Variants in UNC79 observed in about 807,000 individuals in gnomAD.
UNC79 encodes the protein protein unc-79 homolog.
Under a neutral mutation model 283.1 loss-of-function variants are expected in UNC79, and 37 were observed. That is an observed-to-expected ratio of 0.13 (90% CI 0.10 to 0.17). The LOEUF (loss-of-function observed/expected upper bound fraction) is 0.17. UNC79 is among the 10% of genes least tolerant of loss of function. The pLI, the probability that UNC79 is intolerant of heterozygous loss-of-function variation, is 1.00. For missense variants in UNC79, 2,272 were observed against 3,211.1 expected, an observed-to-expected ratio of 0.71 and a Z score of 7.07; for synonymous variants, 1,107 against 1,200.2, an observed-to-expected ratio of 0.92 and a Z score of 1.61.
intron 14 of UNC79, among the ~76,000 whole-genome samples, chr14:93,566,638 A>AG (rs1474337391): frequency 9.6e-6 from 1 of 104,232 alleles, no homozygotes; most frequent in Non-Finnish European, 2.2e-5. Context: ...CAGTTTCTGG[A>AG]ATTTTTTTTT....
At chr14:93,678,675 G>C (rs2073567557) in intron 41 of UNC79, among the ~76,000 whole-genome samples, 1 of 152,210 alleles carries the variant, frequency 6.6e-6, no homozygotes, top group African/African-American at 2.4e-5. Context: ...TGGCATCATG[G>C]GGAATTCCCC....
intron 26 of UNC79, among the ~76,000 whole-genome samples, chr14:93,608,567 A>G (rs542925737): frequency 3.3e-5 from 5 of 152,358 alleles, no homozygotes; most frequent in African/African-American, 9.6e-5. Context: ...AACTGAGGTA[A>G]GGAAGCAGGG....
At position 93,639,597 on chromosome 14, in the gene UNC79, A is replaced by G. The variant is rs1179956119; in HGVS notation, c.5801-1548A>G. Among the ~76,000 whole-genome samples the G allele has an allele frequency of 3.9e-5, 6 of 152,228 alleles. 1 individual carries two copies. Among genetic ancestry groups the G allele is most frequent in the African/African-American group, 1.2e-4 (5 of 41,454 alleles). ...CTTGGATATAGCTGATAAACATAGTAGTAAAATTTGGATTCCCATTTGGGA... is the reference window on the plus strand; with the variant it reads ...CTTGGATATAGCTGATAAACATAGTGGTAAAATTTGGATTCCCATTTGGGA... On this transcript the variant is annotated intron_variant, in intron 32 of 48. Transcript: ENST00000555664.
chr14:93,356,119 C>T (rs2054081722), intron 1 of UNC79, among the ~76,000 whole-genome samples: 1 of 151,784 alleles, frequency 6.6e-6, no homozygotes. Flanking sequence ...CCTCCGCCTC[C>T]CGGGTTCAAG....
intron 14 of UNC79, among the ~76,000 whole-genome samples, chr14:93,543,755 T>C (rs779483442): frequency 1.1e-4 from 16 of 152,230 alleles, no homozygotes; most frequent in Non-Finnish European, 1.8e-4. Flanking sequence ...TGTGAAATTT[T>C]TTTTCCAAGT....
chr14:93,641,021 G>A (rs2068979118), intron 32 of UNC79, 124 bp from the exon 36 acceptor site: 4 of 684,568 alleles, frequency 5.8e-6, no homozygotes, highest in Non-Finnish European at 4.9e-6. Context: ...CAGTACAGTT[G>A]GGATGTCCAA....
Position 93,449,039 on chromosome 14 carries a change from C to T in UNC79, c.22+17988C>T, listed in dbSNP as rs558333994. Among the ~76,000 whole-genome samples, 43 of 152,320 alleles carry T rather than the reference C, an allele frequency of 2.8e-4. 1 individual carries two copies. The highest frequency in any genetic ancestry group is 8.7e-4 in the African/African-American group (36 of 41,568). On this transcript the variant is annotated intron_variant, in intron 1 of 48. Coordinates refer to ENST00000555664, the Ensembl canonical transcript of UNC79. ...TCTGAAGACCCAACTGCCTTCCTTT[C>T]GTGTCTTCCTGCATGGATGCTGATG...
Position 93,487,644 on chromosome 14 carries a change from A to G in UNC79, c.620-19A>G, listed in dbSNP as rs763595676. 2.5e-6 allele frequency: 4 copies of G among 1,611,930 alleles called. No individual in the cohort carries two copies. The highest frequency in any genetic ancestry group is 3.4e-6 in the Non-Finnish European group (4 of 1,178,316). On this transcript the variant is annotated intron_variant, in intron 4 of 48. Coordinates refer to ENST00000555664, the Ensembl canonical transcript of UNC79. ...TGTAGAGATTAAATTGTGTCTAATC[A>G]AAGAACTTTTGGTTGCAGTGGGCTC...
chr14:93,584,755 G>T (rs1595951949), intron 20 of UNC79, among the ~76,000 whole-genome samples: 1 of 151,976 alleles, frequency 6.6e-6, no homozygotes, highest in African/African-American at 2.4e-5. Flanking sequence ...GGAGTGCAGT[G>T]GTGTGATCTC....
intron 14 of UNC79, among the ~76,000 whole-genome samples, chr14:93,569,309 G>A (rs764419606): frequency 4.6e-5 from 7 of 152,116 alleles, no homozygotes; most frequent in Admixed American, 6.5e-5. Flanking sequence ...GGTGGCACAC[G>A]ACTGTAGTCC....
chr14:93,341,453 G>A lies in UNC79; in HGVS notation c.-351+7930G>A, dbSNP rs188461642. On this transcript the variant is annotated intron_variant, in intron 1 of 49. Transcript: ENST00000256339. ...GCCTGGGCAACAACTGTGAAACTCC[G>A]TCTCAAAAAGAAAAAAAATGATGAA... Among the ~76,000 whole-genome samples the A allele has an allele frequency of 1.3e-3, 203 of 151,820 alleles. 1 individual carries two copies. Among genetic ancestry groups the A allele is most frequent in the Non-Finnish European group, 9.0e-4 (61 of 67,926 alleles).
chr14:93,572,747 T>C lies in UNC79; in HGVS notation c.2001T>C (p.Phe667=), dbSNP rs755100199. 1.9e-6 allele frequency: 3 copies of C among 1,614,168 alleles called. No individual in the cohort carries two copies. The East Asian group carries it at 6.7e-5, about 36-fold the overall frequency. ...TGCCTTTCTCAATGGAGGAGATGTTTGGTTTTATTAGTTGTCGGTTTACAG... is the reference window on the plus strand; with the variant it reads ...TGCCTTTCTCAATGGAGGAGATGTTCGGTTTTATTAGTTGTCGGTTTACAG... Residue 667 remains phenylalanine, a synonymous_variant, in exon 16 of 49, where the codon TTT becomes TTC. Coordinates refer to ENST00000555664, the Ensembl canonical transcript of UNC79.
At chr14:93,364,001 T>C (rs549751535) in intron 1 of UNC79, among the ~76,000 whole-genome samples, 30 of 152,312 alleles carry the variant, frequency 2.0e-4, no homozygotes, top group African/African-American at 7.0e-4. Flanking sequence ...ATTACAGACA[T>C]GAGCCACTGC....
chr14:93,347,472 G>A, intron 1 of UNC79: 1 of 1,368,704 alleles, frequency 7.3e-7, no homozygotes, highest in Non-Finnish European at 9.4e-7. Flanking sequence ...GGGGAGAAGG[G>A]AGGACACGGC....
intron 14 of UNC79, among the ~76,000 whole-genome samples, chr14:93,560,383 C>T (rs1003000589): frequency 6.6e-6 from 1 of 152,076 alleles, no homozygotes; most frequent in African/African-American, 2.4e-5. Flanking sequence ...AAGTCAAGGC[C>T]TCGGCAGTTT....
Position 93,659,677 on chromosome 14 carries a change from A to G in UNC79, c.6525+416A>G, listed in dbSNP as rs1011440333. Among the ~76,000 whole-genome samples, 5 of 152,268 alleles carry G rather than the reference A, an allele frequency of 3.3e-5. No individual in the cohort carries two copies. The East Asian group carries it at 7.7e-4, about 23-fold the overall frequency. ...CCTTTCCAATTTAATCTTTGGCTCC[A>G]TGTCTTATTCATCCCTTCCTCCTAT... On this transcript the variant is annotated intron_variant, in intron 39 of 48. Coordinates refer to ENST00000555664, the Ensembl canonical transcript of UNC79.
intron 41 of UNC79, among the ~76,000 whole-genome samples, chr14:93,679,152 C>A (rs1419288683): frequency 6.6e-6 from 1 of 152,150 alleles, no homozygotes; most frequent in Non-Finnish European, 1.5e-5. Flanking sequence ...TTCCTTAGCT[C>A]CTATTATGTG....
At chr14:93,658,567 G>T (rs2071201344) in intron 38 of UNC79, among the ~76,000 whole-genome samples, 1 of 152,102 alleles carries the variant, frequency 6.6e-6, no homozygotes, top group South Asian at 2.1e-4. Context: ...AATTTAAAAA[G>T]TACATTTTGA....
At chr14:93,477,684 A>T in exon 4 of UNC79, 5 of 1,613,414 alleles carry the variant, frequency 3.1e-6, no homozygotes, top group Non-Finnish European at 4.2e-6. Flanking sequence ...CTGCACAAGG[A>T]TATCATTGAA....
Sources: allele counts gnomAD v4.1 joint callset (sites outside exome capture counted in the v4.1 genomes callset), GRCh38; gene constraint gnomAD v4.1.1; transcripts MANE v1.5; gene names NCBI Gene and HGNC (gene_info 2026-07-23, HGNC 2026-07-21).